The following MAG variants were observed in gnomAD, a reference collection of about 807,000 sequenced individuals.
The protein encoded by MAG is myelin associated glycoprotein.
MAG carries 30 observed loss-of-function variants against 60.7 expected under a neutral mutation model. The observed-to-expected ratio is 0.49, with a 90% CI of 0.37 to 0.67. The LOEUF is 0.67. Ranked by LOEUF, MAG falls within the 30% of genes least tolerant of loss-of-function variation. The probability of loss-of-function intolerance (pLI) is 0.00; values close to 1 mark genes in which losing one functional copy is unlikely to be tolerated. For synonymous variants in MAG, 384 were observed against 376.8 expected (o/e 1.02, Z -0.22); for missense variants, 795 against 851.7 (o/e 0.93, Z 0.83).
chr19:35,313,495 C>A lies in MAG; in HGVS notation c.*41C>A. 1 of 1,548,186 alleles carries A rather than the reference C, an allele frequency of 6.5e-7. No individual in the cohort carries two copies. The highest frequency in any genetic ancestry group is 8.7e-7 in the Non-Finnish European group (1 of 1,148,734). On this transcript the variant is annotated 3_prime_UTR_variant, in exon 11 of 11. Transcript: ENST00000392213. ...CCTGCGTGGCTGACCCCCCTCAGGA[C>A]CCTCGCTGGCCCCCACTGGCTGTGG...
intron 1 of MAG, among the ~76,000 whole-genome samples, chr19:35,292,513 G>A (rs915508169): frequency 2.0e-5 from 3 of 152,110 alleles, no homozygotes; most frequent in African/African-American, 7.2e-5. Context: ...CAGATGGGGT[G>A]GAGGAGGTCT....
intron 9 of MAG, among the ~76,000 whole-genome samples, chr19:35,310,939 C>G (rs2066522491): frequency 6.6e-6 from 1 of 152,196 alleles, no homozygotes; most frequent in Non-Finnish European, 1.5e-5. Context: ...CCTACACACT[C>G]CAGTGTGGTG....
intron 7 of MAG, 42 bp from the exon 8 acceptor site, chr19:35,309,832 G>A: frequency 6.3e-7 from 1 of 1,583,856 alleles, no homozygotes; most frequent in Non-Finnish European, 8.6e-7. Flanking sequence ...CGGGCCTCGC[G>A]TTGGCTCCGG....
In MAG at chr19:35,295,884, C is replaced by A. The variant is rs757890653; in HGVS notation, c.318C>A (p.Asn106Lys). ...GAAACTGCACCCTCCTGCTCAGCAA[C>A]GTCAGCCCCGAGCTGGGCGGGAAGT... ...GLRNCTLLLS[N>K]VSPELGGKYY... The change falls in exon 4 of 11, where the codon AAC becomes AAA. Residue 106 changes from asparagine to lysine, a missense_variant. Asn to Lys is a moderately conservative substitution (Grantham distance 94). Transcript: ENST00000392213. This position sits in a 1 kb window ranked among gnomAD's most constrained non-coding sequence, Gnocchi z 5.8. 10 of 1,614,010 alleles carry A rather than the reference C, an allele frequency of 6.2e-6. No individual in the cohort carries two copies. The Admixed American group carries it at 6.7e-5, about 11-fold the overall frequency.
chr19:35,300,980 C>T (rs1416510552), intron 6 of MAG, among the ~76,000 whole-genome samples: 1 of 152,176 alleles, frequency 6.6e-6, no homozygotes. Context: ...GCAAGCCTCC[C>T]ACCTCAGCCT....
intron 7 of MAG, among the ~76,000 whole-genome samples, chr19:35,306,663 C>T (rs1253882344): frequency 6.6e-6 from 1 of 152,166 alleles, no homozygotes; most frequent in Non-Finnish European, 1.5e-5. Context: ...GTCTCAAACT[C>T]CTGGGCTCAA....
intron 7 of MAG, among the ~76,000 whole-genome samples, chr19:35,305,081 C>T (rs7249617): frequency 2.0e-4 from 30 of 152,218 alleles, no homozygotes; most frequent in African/African-American, 5.1e-4. Flanking sequence ...AAAACGAACA[C>T]GCAGGCAGAT....
rs2066515237 is a variant in MAG at position 35,310,068 on chromosome 19, C to T, written c.1426C>T (p.Leu476=). The change falls in exon 8 of 11, where the codon CTG becomes TTG. Residue 476 remains leucine, a synonymous_variant. Transcript: ENST00000392213. ...CCTCGTGCTCACCAGCATCCTCACG[C>T]TGCGGGGGCAGGCCCAGGCCCCGCC... is the stretch of plus-strand genomic sequence containing the variant. ...SGLVLTSILT[L]RGQAQAPPRV... The T allele has an allele frequency of 6.2e-7, 1 of 1,613,544 alleles. No individual in the cohort carries two copies. Among genetic ancestry groups the T allele is most frequent in the East Asian group, 2.2e-5 (1 of 44,880 alleles).
intron 8 of MAG, 79 bp from the exon 9 acceptor site, chr19:35,310,468 C>A: frequency 1.6e-6 from 2 of 1,246,444 alleles, no homozygotes; most frequent in Non-Finnish European, 2.4e-6. Context: ...GACTGTCATC[C>A]CAGCATGTCT....
intron 4 of MAG, 51 bp from the exon 5 acceptor site, chr19:35,299,503 A>G: frequency 1.5e-6 from 2 of 1,355,276 alleles, no homozygotes; most frequent in South Asian, 2.8e-5. Context: ...TGGGACCGGG[A>G]CCGTAGCCCA....
rs201985838 is a variant in MAG at position 35,313,292 on chromosome 19, C to T, written c.1719C>T (p.Ser573=). 9.5e-5 allele frequency: 153 copies of T among 1,612,526 alleles called. No homozygotes were observed. The highest frequency in any genetic ancestry group is 1.3e-4 in the Non-Finnish European group (149 of 1,179,346). ...TAATGGGCGGTTTCCCCTCTTAGAG[C>T]GAGAGGCGCCTGGGATCTGAGAGGA... is the stretch of plus-strand genomic sequence containing the variant. ...RISGAPEKYE[S]ERRLGSERRL... is the part of the protein sequence containing the mutation. Residue 573 remains serine (S), a splice_region_variant and synonymous_variant, in exon 11 of 11, where the codon AGC becomes AGT. Transcript: ENST00000392213.
rs1346439007 is a variant in MAG, at chr19:35,292,202, C to T, written c.-82C>T. 2.2e-6 allele frequency: 1 copy of T among 455,668 alleles called. No homozygotes were observed. Among genetic ancestry groups the T allele is most frequent in the African/African-American group, 2.0e-5 (1 of 50,136 alleles). 28.2% of individuals were successfully genotyped at this position (455,668 alleles called of 1,614,324 possible). On this transcript the variant is annotated splice_region_variant and 5_prime_UTR_variant, in exon 1 of 11. Transcript: ENST00000392213. ...GCAGAGGTGCAGAAGCAACTGAGTC[C>T]AAGTGAGTATGGTGGCAGGGAGGCC...
chr19:35,311,053 C>T (rs564623854), intron 9 of MAG, among the ~76,000 whole-genome samples: 1 of 152,296 alleles, frequency 6.6e-6, no homozygotes, highest in South Asian at 2.1e-4. Flanking sequence ...TAGGCCTTGG[C>T]CGGGCGCGTT....
At chr19:35,307,529 G>C (rs2066494274) in intron 7 of MAG, among the ~76,000 whole-genome samples, 1 of 152,004 alleles carries the variant, frequency 6.6e-6, no homozygotes, top group Admixed American at 6.6e-5. Flanking sequence ...GCGTATTTTG[G>C]TACAAAAATT....
At position 35,313,608 on chromosome 19, in the gene MAG, T is replaced by G; in HGVS notation, c.*154T>G. 3 of 678,570 alleles carry G rather than the reference T, an allele frequency of 4.4e-6. No homozygotes were observed. Among genetic ancestry groups the G allele is most frequent in the Non-Finnish European group, 7.2e-6 (3 of 414,624 alleles). 42.0% of individuals were successfully genotyped at this position (678,570 alleles called of 1,614,324 possible). On this transcript the variant is annotated 3_prime_UTR_variant, in exon 11 of 11. Transcript: ENST00000392213. Reference sequence around the variant, plus strand: ...AGGTCCTGGGGGCCTGACCTCCCCCTCCTTCCCAGCTGCCCCTCCCTGCCA... The same window carrying G: ...AGGTCCTGGGGGCCTGACCTCCCCCGCCTTCCCAGCTGCCCCTCCCTGCCA...
At position 35,313,615 on chromosome 19, in the gene MAG, C is replaced by G; in HGVS notation, c.*161C>G. 1.6e-6 allele frequency: 1 copy of G among 641,736 alleles called. No individual in the cohort carries two copies. The highest frequency in any genetic ancestry group is 2.6e-6 in the Non-Finnish European group (1 of 380,788). The allele number at this position is 641,736 out of a possible 1,614,324, so 39.8% of individuals were successfully genotyped here. A position where few individuals can be genotyped will look rare whatever the true frequency, so the allele number is the denominator to read the frequency against. ...GGGGGCCTGACCTCCCCCTCCTTCC[C>G]AGCTGCCCCTCCCTGCCAGCACCCC... On this transcript the variant is annotated 3_prime_UTR_variant, in exon 11 of 11. Transcript: ENST00000392213.
At chr19:35,306,277 T>C (rs1019976123) in intron 7 of MAG, among the ~76,000 whole-genome samples, 1 of 150,700 alleles carries the variant, frequency 6.6e-6, no homozygotes, top group African/African-American at 2.4e-5. Context: ...TCTGTGGATA[T>C]TGGATGTCAT....
chr19:35,299,280 G>A (rs901848986), intron 4 of MAG, among the ~76,000 whole-genome samples: 6 of 152,192 alleles, frequency 3.9e-5, no homozygotes, highest in African/African-American at 1.4e-4. Flanking sequence ...CTTTGCGGGA[G>A]GGACTGGCAA....
chr19:35,310,042 G>T lies in MAG; in HGVS notation c.1400G>T (p.Gly467Val). The T allele has an allele frequency of 6.2e-7, 1 of 1,613,824 alleles. No individual in the cohort carries two copies. Among genetic ancestry groups the T allele is most frequent in the Non-Finnish European group, 8.5e-7 (1 of 1,179,920 alleles). Residue 467 changes from glycine (G) to valine (V), a missense_variant, in exon 8 of 11, where the codon GGC (glycine) becomes GTC (valine). Physicochemically the swap from Gly to Val is moderately radical, Grantham distance 109. Transcript: ENST00000392213. ...GAGTTCGTGTACTCGGAGCGCAGCG[G>T]CCTCGTGCTCACCAGCATCCTCACG... Reference protein sequence around the residue: ...EREFVYSERSGLVLTSILTLR... With the variant: ...EREFVYSERSVLVLTSILTLR...
Sources: gnomAD v4.1 joint callset for allele counts (sites outside exome capture counted in the v4.1 genomes callset) on GRCh38, gnomAD v4.1.1 for gene constraint, Gnocchi (gnomAD v3.1) non-coding constraint, MANE v1.5 for transcripts, NCBI Gene and HGNC (gene_info 2026-07-23, HGNC 2026-07-21) for gene names.